The following PEX7 variants were observed in gnomAD, a reference collection of about 807,000 sequenced individuals.
PEX7 encodes the protein peroxisomal biogenesis factor 7.
PEX7 carries 34 observed loss-of-function variants against 47.5 expected under a neutral mutation model. That is an observed-to-expected ratio of 0.72 (90% CI 0.54 to 0.95). The LOEUF (loss-of-function observed/expected upper bound fraction) is 0.95. Among genes scored for constraint, PEX7 ranks in the 40% least tolerant of loss-of-function variants. The pLI is 0.00. For missense variants in PEX7, 394 were observed against 400.3 expected (o/e 0.98, Z 0.13); for synonymous variants, 141 against 148.8 (o/e 0.95, Z 0.38).
At chr6:136,860,728 G>GT (rs1325106526) in intron 5 of PEX7, among the ~76,000 whole-genome samples, 1 of 151,002 alleles carries the variant, frequency 6.6e-6, no homozygotes, top group African/African-American at 2.4e-5. Flanking sequence ...TTGTTATTGT[G>GT]TTTTTTAATC....
chr6:136,848,137 C>T (rs910605351), intron 5 of PEX7, among the ~76,000 whole-genome samples: 7 of 152,066 alleles, frequency 4.6e-5, no homozygotes, highest in Non-Finnish European at 7.4e-5. Flanking sequence ...CATGATTTGG[C>T]TCTCTTTTTG....
At position 136,826,431 on chromosome 6, in the gene PEX7, G is replaced by A. The variant is rs1774194018; in HGVS notation, c.301G>A (p.Ala101Thr). 6.2e-7 allele frequency: 1 copy of A among 1,613,892 alleles called. No individual in the cohort carries two copies. The highest frequency in any genetic ancestry group is 1.3e-5 in the African/African-American group (1 of 74,850). The change falls in exon 3 of 10, where the codon GCA becomes ACA. Residue 101 changes from alanine to threonine, a missense_variant. Physicochemically the swap from Ala to Thr is moderately conservative, Grantham distance 58. Coordinates refer to ENST00000318471, the MANE Select transcript of PEX7 (RefSeq NM_000288.4). ...SLQLWDTAKAAGPLQVYKEHA... is the reference protein window; with the variant it reads ...SLQLWDTAKATGPLQVYKEHA... ...GCAGCTCTGGGACACTGCCAAAGCT[G>A]CAGGGCCACTGCAAGTCTATAAAGA...
intron 6 of PEX7, among the ~76,000 whole-genome samples, chr6:136,867,185 G>A (rs1775086902): frequency 2.0e-5 from 3 of 152,086 alleles, no homozygotes; most frequent in Admixed American, 2.0e-4. Flanking sequence ...TCATGCCTCT[G>A]TAAGATAAGT....
intron 3 of PEX7, among the ~76,000 whole-genome samples, chr6:136,832,487 C>A (rs1368855398): frequency 1.3e-5 from 2 of 152,214 alleles, no homozygotes; most frequent in Admixed American, 6.5e-5. Flanking sequence ...CTCCTTGTTA[C>A]TTATACAAAT....
At chr6:136,825,309 C>T in intron 2 of PEX7, 38 bp downstream of exon 2, 1 of 1,468,710 alleles carries the variant, frequency 6.8e-7, no homozygotes, top group Non-Finnish European at 9.5e-7. Flanking sequence ...TATATTGTTG[C>T]TATTAAAGCC....
chr6:136,831,613 C>G (rs1388229977), intron 3 of PEX7, among the ~76,000 whole-genome samples: 1 of 152,210 alleles, frequency 6.6e-6, no homozygotes, highest in African/African-American at 2.4e-5. Context: ...TCCCTTTTGC[C>G]TATGAGCCTA....
chr6:136,841,849 G>C (rs144554258), intron 3 of PEX7, among the ~76,000 whole-genome samples: 1 of 151,054 alleles, frequency 6.6e-6, no homozygotes, highest in East Asian at 1.9e-4. Context: ...GCCTCCCAAA[G>C]TGCTGGGATT....
chr6:136,868,857 G>T (rs1273396752), intron 6 of PEX7, among the ~76,000 whole-genome samples: 1 of 152,056 alleles, frequency 6.6e-6, no homozygotes, highest in Admixed American at 6.6e-5. Flanking sequence ...CTAGATAGCA[G>T]AATTTGTAAA....
chr6:136,822,886 C>G, intron 1 of PEX7, 91 bp downstream of exon 1: 1 of 1,223,938 alleles, frequency 8.2e-7, no homozygotes, highest in Non-Finnish European at 1.0e-6. Flanking sequence ...GGGAAAGCCC[C>G]TCTGAGCGTA....
At chr6:136,883,696 C>A (rs1647541007) in intron 8 of PEX7, among the ~76,000 whole-genome samples, 1 of 152,098 alleles carries the variant, frequency 6.6e-6, no homozygotes, top group Non-Finnish European at 1.5e-5. Context: ...CTTAGGCCTG[C>A]ATATTCAGCT....
At chr6:136,906,696 A>G (rs541309301) in intron 9 of PEX7, among the ~76,000 whole-genome samples, 2 of 152,182 alleles carry the variant, frequency 1.3e-5, no homozygotes, top group South Asian at 2.1e-4. Context: ...TTGTCATCCA[A>G]TGCAGATGCT....
chr6:136,823,886 G>A (rs1339924354), intron 1 of PEX7, among the ~76,000 whole-genome samples: 9 of 152,124 alleles, frequency 5.9e-5, no homozygotes, highest in Non-Finnish European at 7.4e-5. Flanking sequence ...GCAAAACTCC[G>A]TCTCAAAAAA....
chr6:136,876,701 G>A (rs1259618204), intron 8 of PEX7, among the ~76,000 whole-genome samples: 1 of 152,218 alleles, frequency 6.6e-6, no homozygotes, highest in Non-Finnish European at 1.5e-5. Context: ...GTGTTCCATG[G>A]TGTATATGTG....
intron 8 of PEX7, among the ~76,000 whole-genome samples, chr6:136,896,626 G>C (rs1775656090): frequency 6.6e-6 from 1 of 152,158 alleles, no homozygotes; most frequent in South Asian, 2.1e-4. Context: ...CAAGGACATA[G>C]AACTTCATGG....
chr6:136,849,504 C>A (rs868261351), intron 5 of PEX7, among the ~76,000 whole-genome samples: 1 of 152,102 alleles, frequency 6.6e-6, no homozygotes, highest in Non-Finnish European at 1.5e-5. Context: ...CTATGAATTT[C>A]CCTCTACACA....
rs551901119 is a variant in PEX7, at chr6:136,882,899, G to A, written c.803+10646G>A. Among the ~76,000 whole-genome samples, 91 of 152,080 alleles carry A rather than the reference G, an allele frequency of 6.0e-4. 1 individual carries two copies. In the South Asian group the frequency reaches 0.018, roughly 31 times the overall value. On this transcript the variant is annotated intron_variant, in intron 8 of 9. Coordinates refer to ENST00000318471, the MANE Select transcript of PEX7 (RefSeq NM_000288.4). ...GTCCGCATAAGCTTCCATTCACCAG[G>A]GCCATTTTAAGGTCTTCACTGTCCC...
chr6:136,869,484 C>T (rs1775135227), intron 6 of PEX7, among the ~76,000 whole-genome samples: 1 of 152,082 alleles, frequency 6.6e-6, no homozygotes, highest in Non-Finnish European at 1.5e-5. Flanking sequence ...GTGATCCTCC[C>T]ACCTTTGCCT....
intron 3 of PEX7, among the ~76,000 whole-genome samples, chr6:136,838,051 G>C (rs943912846): frequency 3.9e-5 from 6 of 152,186 alleles, no homozygotes; most frequent in African/African-American, 1.4e-4. Flanking sequence ...TGCTAATAGA[G>C]TTCTAGCTAA....
chr6:136,907,496 TC>T (rs140959236), intron 9 of PEX7, among the ~76,000 whole-genome samples: 10,286 of 151,756 alleles, frequency 0.068, 1,179 homozygotes, highest in African/African-American at 0.24. Context: ...ATTTTTTTTT[TC>T]ATTCTGTCTG....
Sources: allele counts gnomAD v4.1 joint callset (sites outside exome capture counted in the v4.1 genomes callset), GRCh38; gene constraint gnomAD v4.1.1; transcripts MANE v1.5; gene names NCBI Gene and HGNC (gene_info 2026-07-23, HGNC 2026-07-21).